Variants in SIN3B observed in about 807,000 individuals in gnomAD.
SIN3B encodes the protein paired amphipathic helix protein Sin3b.
SIN3B carries 19 observed loss-of-function variants against 120.2 expected under a neutral mutation model. That is an observed-to-expected ratio of 0.16 (90% CI 0.11 to 0.23). The LOEUF is 0.23. Ranked by LOEUF, SIN3B falls within the 10% of genes least tolerant of loss-of-function variation. The probability of loss-of-function intolerance (pLI) is 1.00; values close to 1 mark genes in which losing one functional copy is unlikely to be tolerated. For synonymous variants in SIN3B, 654 were observed against 653.2 expected (o/e 1.00, Z -0.02); for missense variants, 1,073 against 1,573.0 (o/e 0.68, Z 5.38).
chr19:16,853,285 G>A (rs913567087), intron 7 of SIN3B, 127 bp downstream of exon 7: 20 of 786,632 alleles, frequency 2.5e-5, no homozygotes, highest in Non-Finnish European at 1.7e-5. Flanking sequence ...GGATGGATCC[G>A]GCGGGGCTGG....
At position 16,841,864 on chromosome 19, in the gene SIN3B, G is replaced by A. The variant is rs374226924; in HGVS notation, c.478G>A (p.Val160Met). The change falls in exon 4 of 19, where the codon GTG becomes ATG. Residue 160 changes from valine (V) to methionine (M), a missense_variant. Transcript: ENST00000248054. ...CCAGGTGCCCCTGGAGTCCGATTCC[G>A]TGGAATTCAACAACGCCATCAGCTA... ...KPQVPLESDS[V>M]EFNNAISYVN... 8.7e-6 allele frequency: 14 copies of A among 1,613,972 alleles called. No individual in the cohort carries two copies. The highest frequency in any genetic ancestry group is 2.7e-5 in the African/African-American group (2 of 74,896).
chr19:16,869,556 G>C lies in SIN3B; in HGVS notation c.1903G>C (p.Ala635Pro). The C allele has an allele frequency of 6.2e-7, 1 of 1,613,902 alleles. No homozygotes were observed. The highest frequency in any genetic ancestry group is 8.5e-7 in the Non-Finnish European group (1 of 1,180,034). ...CCGGCAGATCCTGGAGGACGCAGCAGCGCTCATCAGCTACTACGTGAAGCG... is the reference window on the plus strand; with the variant it reads ...CCGGCAGATCCTGGAGGACGCAGCACCGCTCATCAGCTACTACGTGAAGCG... ...EDRQILEDAA[A>P]LISYYVKRQP... The change falls in exon 13 of 19, where the codon GCG becomes CCG. Residue 635 changes from alanine (A) to proline (P), a missense_variant. Around this residue, in one of 7 missense-constraint regions of SIN3B, gnomAD observed 169 missense variants for 207.3 expected, o/e 0.82. Coordinates refer to ENST00000248054, the MANE Select transcript of SIN3B (RefSeq NM_001297595.2).
In SIN3B at chr19:16,876,377, C is replaced by A; in HGVS notation, c.2767-109C>A. On this transcript the variant is annotated intron_variant, in intron 15 of 18. Coordinates refer to ENST00000248054, the MANE Select transcript of SIN3B (RefSeq NM_001297595.2). This position sits in a 1 kb window ranked among gnomAD's most constrained non-coding sequence, Gnocchi z 7.1. ...GGTACCTTTGACCTGCAGGAAGCAT[C>A]AGGGCTTTGGGAGGGTGGCAAAGGC... The A allele has an allele frequency of 7.1e-7, 1 of 1,400,512 alleles. No homozygotes were observed. The highest frequency in any genetic ancestry group is 9.8e-7 in the Non-Finnish European group (1 of 1,019,412). The allele number at this position is 1,400,512 out of a possible 1,614,324, so 86.8% of individuals were successfully genotyped here. A position where few individuals can be genotyped will look rare whatever the true frequency, so the allele number is the denominator to read the frequency against.
At chr19:16,846,770 C>T (rs992006247) in intron 4 of SIN3B, among the ~76,000 whole-genome samples, 200 bp from the exon 5 acceptor site, 3 of 152,222 alleles carry the variant, frequency 2.0e-5, no homozygotes, top group African/African-American at 7.2e-5. Flanking sequence ...CACCATACTC[C>T]TGGACGGGAC....
rs1371654571 is a variant in SIN3B, at chr19:16,876,391, G to A, written c.2767-95G>A. 2 of 1,430,168 alleles carry A rather than the reference G, an allele frequency of 1.4e-6. No individual in the cohort carries two copies. The highest frequency in any genetic ancestry group is 4.7e-5 in the East Asian group (2 of 42,860). The allele number at this position is 1,430,168 out of a possible 1,614,324, so 88.6% of individuals were successfully genotyped here. A position where few individuals can be genotyped will look rare whatever the true frequency, so the allele number is the denominator to read the frequency against. On this transcript the variant is annotated intron_variant, in intron 15 of 18. Transcript: ENST00000248054. This position sits in a 1 kb window ranked among gnomAD's most constrained non-coding sequence, Gnocchi z 7.1. ...GCAGGAAGCATCAGGGCTTTGGGAG[G>A]GTGGCAAAGGCGGGAGGCGGGTGGC...
intron 8 of SIN3B, among the ~76,000 whole-genome samples, chr19:16,858,854 A>G (rs988040964): frequency 3.9e-5 from 6 of 152,148 alleles, no homozygotes. Flanking sequence ...GGAGGCTGAG[A>G]CAGGAGAATT....
chr19:16,830,721 C>T (rs938982383), intron 2 of SIN3B, among the ~76,000 whole-genome samples: 1 of 152,246 alleles, frequency 6.6e-6, no homozygotes, highest in African/African-American at 2.4e-5. Context: ...CTCTCCCCTC[C>T]TATTTTTCTT....
At chr19:16,853,601 C>T (rs1403029303) in intron 7 of SIN3B, among the ~76,000 whole-genome samples, 1 of 148,636 alleles carries the variant, frequency 6.7e-6, no homozygotes, top group Non-Finnish European at 1.5e-5. Flanking sequence ...TGCATGGACA[C>T]ATGCATGGAC....
rs1971708706 is a variant in SIN3B, at chr19:16,862,902, C to T, written c.1266+343C>T. ...TGTTTAGCTTGACCATTGGACACTT[C>T]TCCAGGGTTCGTGGACAGACGATTA... On this transcript the variant is annotated intron_variant, in intron 9 of 18. Coordinates refer to ENST00000248054, the MANE Select transcript of SIN3B (RefSeq NM_001297595.2). The surrounding 1 kb of genome is among the most constrained non-coding windows in gnomAD (Gnocchi z 4.7). 1 of 1,614,158 alleles carries T rather than the reference C, an allele frequency of 6.2e-7. No homozygotes were observed. The highest frequency in any genetic ancestry group is 8.5e-7 in the Non-Finnish European group (1 of 1,179,964).
intron 3 of SIN3B, among the ~76,000 whole-genome samples, chr19:16,838,689 C>T (rs1971378545): frequency 6.6e-6 from 1 of 150,882 alleles, no homozygotes; most frequent in Non-Finnish European, 1.5e-5. Flanking sequence ...CTTTTTTTTT[C>T]GAGACAGAGT....
At chr19:16,865,347 G>C in intron 10 of SIN3B, 63 bp from the exon 11 acceptor site, 3 of 1,091,402 alleles carry the variant, frequency 2.7e-6, no homozygotes, top group South Asian at 2.8e-5. Context: ...GAGGTCCCAG[G>C]CTCCTCTCTG....
intron 4 of SIN3B, among the ~76,000 whole-genome samples, chr19:16,843,326 G>A (rs980125416): frequency 1.3e-5 from 2 of 152,204 alleles, no homozygotes; most frequent in African/African-American, 4.8e-5. Context: ...GTCAAGAAGC[G>A]GGATTCTTTT....
chr19:16,843,832 G>C (rs1001623707), intron 4 of SIN3B, among the ~76,000 whole-genome samples: 1 of 142,518 alleles, frequency 7.0e-6, no homozygotes, highest in Non-Finnish European at 1.5e-5. Flanking sequence ...GGCCCGCCCG[G>C]CATCGGCACA....
rs775240971 is a variant in SIN3B at position 16,851,573 on chromosome 19, G to A, written c.849+39G>A. 32 of 1,535,772 alleles carry A rather than the reference G, an allele frequency of 2.1e-5. 1 individual carries two copies. In the South Asian group the frequency reaches 3.7e-4, roughly 18 times the overall value. ...ACATGCAGCCATGCCTGCACGCGGG[G>A]CCCCCAGCAAATCGGGCCTTCCCAG... On this transcript the variant is annotated intron_variant, in intron 6 of 18. Transcript: ENST00000248054.
chr19:16,860,085 C>T (rs760706508), intron 8 of SIN3B, among the ~76,000 whole-genome samples: 5 of 152,190 alleles, frequency 3.3e-5, no homozygotes, highest in Middle Eastern at 3.2e-3. Flanking sequence ...TTCCATGTTT[C>T]AGCAGTAGAG....
Position 16,869,704 on chromosome 19 carries a change from A to G in SIN3B, c.2051A>G (p.Asp684Gly). 6.2e-7 allele frequency: 1 copy of G among 1,613,464 alleles called. No individual in the cohort carries two copies. The highest frequency in any genetic ancestry group is 8.5e-7 in the Non-Finnish European group (1 of 1,180,010). ...GCCTCCGAGGAGTCAGCTGATGAGG[A>G]CCGGGACAGCCCCCAGGGGCAGACC... ...LGASEESADE[D>G]RDSPQGQTTD... Residue 684 changes from aspartate (D) to glycine (G), a missense_variant, in exon 13 of 19, where the codon GAC becomes GGC. By Grantham distance (94) the Asp-to-Gly change is moderately conservative (BLOSUM62 -1). This residue lies in a region of SIN3B where 169 missense variants were observed against 207.3 expected (regional missense o/e 0.82). Coordinates refer to ENST00000248054, the MANE Select transcript of SIN3B (RefSeq NM_001297595.2).
intron 14 of SIN3B, 67 bp from the exon 15 acceptor site, chr19:16,875,988 T>C: frequency 6.7e-7 from 1 of 1,492,494 alleles, no homozygotes; most frequent in Non-Finnish European, 9.0e-7. Flanking sequence ...GTCGACTTCC[T>C]CTGTGGGTGA....
chr19:16,873,517 T>TCC (rs1182612521), intron 14 of SIN3B, among the ~76,000 whole-genome samples: 3 of 121,370 alleles, frequency 2.5e-5, no homozygotes, highest in Non-Finnish European at 5.0e-5. Flanking sequence ...TGGCAGTCTG[T>TCC]CCCCTCCCCC....
chr19:16,871,482 C>T (rs563340998), intron 14 of SIN3B, 84 bp downstream of exon 14: 22 of 1,329,664 alleles, frequency 1.7e-5, no homozygotes, highest in Middle Eastern at 2.7e-4. Context: ...GGAGGGGGCC[C>T]GTGGTCAGCA....
Sources: gnomAD v4.1 joint callset for allele counts (sites outside exome capture counted in the v4.1 genomes callset) on GRCh38, gnomAD v4.1.1 for gene constraint, gnomAD v4.1.1 regional missense constraint, Gnocchi (gnomAD v3.1) non-coding constraint, MANE v1.5 for transcripts, NCBI Gene and HGNC (gene_info 2026-07-23, HGNC 2026-07-21) for gene names.